SS18: variants seen among roughly 807,000 people sequenced by gnomAD.
SS18 encodes the protein protein SSXT.
In SS18, 28 loss-of-function variants were observed where a neutral mutation model predicts 72.5. The observed-to-expected ratio is 0.39, with a 90% confidence interval of 0.29 to 0.53. The LOEUF is 0.53. SS18 is among the 20% of genes least tolerant of loss of function. The pLI is 0.76. For missense variants in SS18, 518 were observed against 535.3 expected (o/e 0.97, Z 0.32); for synonymous variants, 172 against 164.2 (o/e 1.05, Z -0.37).
chr18:26,046,595 G>A (rs1310381267), intron 5 of SS18, among the ~76,000 whole-genome samples: 1 of 152,212 alleles, frequency 6.6e-6, no homozygotes, highest in East Asian at 1.9e-4. Context: ...TGAAATGGCA[G>A]CAATGTCAGC....
intron 3 of SS18, among the ~76,000 whole-genome samples, chr18:26,067,284 T>C (rs914089001): frequency 6.6e-6 from 1 of 152,186 alleles, no homozygotes; most frequent in Non-Finnish European, 1.5e-5. Context: ...GACACCAAGC[T>C]ATGGCAGGTG....
At chr18:26,089,450 G>C (rs2054675107) in intron 1 of SS18, among the ~76,000 whole-genome samples, 1 of 152,230 alleles carries the variant, frequency 6.6e-6, no homozygotes, top group African/African-American at 2.4e-5. Context: ...GAACCTGACA[G>C]TAAACAGAAA....
chr18:26,038,088 T>C (rs1439871739), intron 7 of SS18, among the ~76,000 whole-genome samples: 2 of 152,290 alleles, frequency 1.3e-5, no homozygotes, highest in East Asian at 1.9e-4. Context: ...TAAACCTTAG[T>C]TTGTTGAGAA....
chr18:26,082,056 C>A (rs1184285429), intron 2 of SS18, among the ~76,000 whole-genome samples: 1 of 151,002 alleles, frequency 6.6e-6, no homozygotes, highest in African/African-American at 2.4e-5. Flanking sequence ...GAGATTATGT[C>A]TTGAAAAACA....
chr18:26,045,892 T>C (rs1009826217), intron 5 of SS18, among the ~76,000 whole-genome samples: 8 of 151,946 alleles, frequency 5.3e-5, no homozygotes, highest in Non-Finnish European at 7.4e-5. Context: ...ATTAGAAACA[T>C]TGAGAATTGG....
intron 5 of SS18, among the ~76,000 whole-genome samples, chr18:26,045,092 C>T (rs778581897): frequency 6.6e-6 from 1 of 152,232 alleles, no homozygotes; most frequent in Non-Finnish European, 1.5e-5. Context: ...AGCTATCATA[C>T]TATTTAAAGC....
At chr18:26,033,441 A>T (rs1234031133) in intron 9 of SS18, among the ~76,000 whole-genome samples, 1 of 151,810 alleles carries the variant, frequency 6.6e-6, no homozygotes. Context: ...GAACCCGGGA[A>T]GCAGAGGTTG....
At position 26,035,663 on chromosome 18, in the gene SS18, ATT is replaced by A. The variant is rs1436534400; in HGVS notation, c.973+166_973+167del. ...CAAGTCATGGTTATACATTTTAAAT[ATT>A]TGTAAGGAAATTATTTTGATTGTTT... is the stretch of plus-strand genomic sequence containing the variant. On this transcript the variant is annotated intron_variant, in intron 8 of 10. Coordinates refer to ENST00000415083, the MANE Select transcript of SS18 (RefSeq NM_001007559.3). The surrounding 1 kb of genome is among the most constrained non-coding windows in gnomAD (Gnocchi z 4.4). The A allele has an allele frequency of 4.7e-6, 2 of 421,858 alleles. No individual in the cohort carries two copies. Among genetic ancestry groups the A allele is most frequent in the Non-Finnish European group, 8.4e-6 (2 of 239,292 alleles). 26.1% of individuals were successfully genotyped at this position (421,858 alleles called of 1,614,324 possible). A position where few individuals can be genotyped will look rare whatever the true frequency, so the allele number is the denominator to read the frequency against.
At chr18:26,086,227 C>T (rs967411445) in intron 2 of SS18, among the ~76,000 whole-genome samples, 2 of 152,124 alleles carry the variant, frequency 1.3e-5, no homozygotes, top group Admixed American at 6.5e-5. Flanking sequence ...ATCAGGGACA[C>T]GGGCATCTGG....
At chr18:26,071,828 C>T (rs2054314714) in intron 3 of SS18, among the ~76,000 whole-genome samples, 1 of 150,380 alleles carries the variant, frequency 6.6e-6, no homozygotes, top group Admixed American at 6.6e-5. Flanking sequence ...ACACTGTCTC[C>T]AGAGGAAAAA....
At chr18:26,047,785 G>A (rs1259610386) in intron 5 of SS18, among the ~76,000 whole-genome samples, 1 of 150,798 alleles carries the variant, frequency 6.6e-6, no homozygotes, top group Non-Finnish European at 1.5e-5. Context: ...AGAGCTTGCA[G>A]TGAACCGAGA....
In SS18 at chr18:26,017,835, G is replaced by C. The variant is rs948924820; in HGVS notation, c.*519C>G. On this transcript the variant is annotated 3_prime_UTR_variant, in exon 11 of 11. Transcript: ENST00000415083. ...ACCATTTTGAGACCAAAACAATCAA[G>C]CATCTACCATGTTCCAGTCCACATT... 3 of 227,930 alleles carry C rather than the reference G, an allele frequency of 1.3e-5. No homozygotes were observed. Among genetic ancestry groups the C allele is most frequent in the Non-Finnish European group, 2.6e-5 (3 of 114,878 alleles). 14.1% of individuals were successfully genotyped at this position (227,930 alleles called of 1,614,324 possible).
chr18:26,069,987 C>CTA (rs1183027290), intron 3 of SS18, among the ~76,000 whole-genome samples: 2 of 152,138 alleles, frequency 1.3e-5, no homozygotes, highest in African/African-American at 4.8e-5. Flanking sequence ...GTCACACTTT[C>CTA]TACTGGTAAA....
At chr18:26,071,310 T>C (rs571274546) in intron 3 of SS18, among the ~76,000 whole-genome samples, 12 of 151,922 alleles carry the variant, frequency 7.9e-5, no homozygotes, top group Non-Finnish European at 1.0e-4. Context: ...AAAAATAAAT[T>C]TAAGAAAACA....
chr18:26,090,585 A>G lies in SS18; in HGVS notation c.-16T>C. On this transcript the variant is annotated 5_prime_UTR_variant, in exon 1 of 11. Transcript: ENST00000415083. ...CCACAGACATGTTGCCGCCGTCACC[A>G]CTATCGGCAAGTCCCGAGCGCTCCG... The G allele has an allele frequency of 1.3e-6, 2 of 1,569,522 alleles. No homozygotes were observed. Among genetic ancestry groups the G allele is most frequent in the South Asian group, 1.2e-5 (1 of 85,180 alleles).
intron 10 of SS18, among the ~76,000 whole-genome samples, chr18:26,028,921 C>T (rs1196412812): frequency 1.3e-5 from 2 of 152,088 alleles, no homozygotes; most frequent in African/African-American, 2.4e-5. Context: ...ATAAATTATA[C>T]TTCAATTAAG....
chr18:26,048,531 TTAA>T (rs2053868874), intron 5 of SS18, among the ~76,000 whole-genome samples: 1 of 152,220 alleles, frequency 6.6e-6, no homozygotes, highest in Non-Finnish European at 1.5e-5. Flanking sequence ...CGTCTATCTC[TTAA>T]TAATCCATTG....
At chr18:26,084,804 T>C (rs2054588909) in intron 2 of SS18, among the ~76,000 whole-genome samples, 1 of 152,118 alleles carries the variant, frequency 6.6e-6, no homozygotes, top group Non-Finnish European at 1.5e-5. Context: ...TAAAGTATAC[T>C]TAGGAGACAA....
chr18:26,055,312 C>T (rs1413607723), intron 4 of SS18, among the ~76,000 whole-genome samples: 6 of 151,742 alleles, frequency 4.0e-5, no homozygotes, highest in South Asian at 2.1e-4. Flanking sequence ...ATTAAAAATA[C>T]GAAAATTAGC....
Sources: allele counts gnomAD v4.1 joint callset (sites outside exome capture counted in the v4.1 genomes callset), GRCh38; gene constraint gnomAD v4.1.1; non-coding constraint Gnocchi (gnomAD v3.1); transcripts MANE v1.5; gene names NCBI Gene and HGNC (gene_info 2026-07-23, HGNC 2026-07-21).